Variants in HHIP observed in about 807,000 individuals in gnomAD.
HHIP encodes hedgehog-interacting protein.
A neutral mutation model predicts 74.0 loss-of-function variants in HHIP; 12 were observed. The ratio of observed to expected loss-of-function variants is 0.16; its 90% confidence interval spans 0.10 to 0.26. The LOEUF (loss-of-function observed/expected upper bound fraction) is 0.26. Among genes scored for constraint, HHIP ranks in the 10% least tolerant of loss-of-function variants. The probability of loss-of-function intolerance (pLI) is 1.00; values close to 1 mark genes in which losing one functional copy is unlikely to be tolerated. For synonymous variants in HHIP, 309 were observed against 311.6 expected (o/e 0.99, Z 0.09); for missense variants, 788 against 845.0 (o/e 0.93, Z 0.84).
intron 7 of HHIP, among the ~76,000 whole-genome samples, chr4:144,711,482 G>A (rs985378778): frequency 2.6e-5 from 4 of 152,004 alleles, no homozygotes; most frequent in South Asian, 2.1e-4. Flanking sequence ...AAGGCTCTTC[G>A]TCCCCCTGCA....
Position 144,663,815 on chromosome 4 carries a change from G to C in HHIP, c.831+3977G>C, listed in dbSNP as rs570291671. 1.3e-4 allele frequency among the ~76,000 whole-genome samples: 20 copies of C among 152,204 alleles called. No individual in the cohort carries two copies. The South Asian group carries it at 2.1e-3, about 16-fold the overall frequency. ...ATTGTTCCTGTTCTTAAAATATGTG[G>C]ATTGTGATTATATATATAAAACCTT... On this transcript the variant is annotated intron_variant, in intron 4 of 12. Coordinates refer to ENST00000296575, the MANE Select transcript of HHIP (RefSeq NM_022475.3).
At chr4:144,700,330 A>C (rs776655337) in intron 4 of HHIP, among the ~76,000 whole-genome samples, 2 of 152,226 alleles carry the variant, frequency 1.3e-5, no homozygotes, top group African/African-American at 2.4e-5. Flanking sequence ...CCATGAAGAC[A>C]CAAGTCAGAA....
intron 4 of HHIP, among the ~76,000 whole-genome samples, chr4:144,664,300 G>A (rs75572824): frequency 0.014 from 2,176 of 152,314 alleles, 62 homozygotes; most frequent in African/African-American, 0.049. Context: ...TCCCTGTGCC[G>A]GAAGTCACAG....
chr4:144,696,273 CTCT>C (rs1407650780), intron 4 of HHIP, among the ~76,000 whole-genome samples: 1 of 148,746 alleles, frequency 6.7e-6, no homozygotes, highest in Non-Finnish European at 1.5e-5. Context: ...AAATCTGCAC[CTCT>C]TTTTTTTTTC....
chr4:144,673,930 A>T (rs1560701105), intron 4 of HHIP, among the ~76,000 whole-genome samples: 1 of 152,276 alleles, frequency 6.6e-6, no homozygotes, highest in African/African-American at 2.4e-5. Context: ...ATCTGAATCT[A>T]TGGAAGTTAA....
chr4:144,703,492 G>T (rs913857811), intron 4 of HHIP, among the ~76,000 whole-genome samples: 1 of 152,196 alleles, frequency 6.6e-6, no homozygotes, highest in African/African-American at 2.4e-5. Context: ...AGGATGAGAA[G>T]GGGTTAGAAG....
At chr4:144,651,535 A>G (rs1480493851) in intron 1 of HHIP, among the ~76,000 whole-genome samples, 2 of 152,030 alleles carry the variant, frequency 1.3e-5, no homozygotes, top group East Asian at 3.8e-4. Flanking sequence ...TTAAAATGCT[A>G]ATTTTGGTTG....
At chr4:144,666,445 T>G (rs1728865614) in intron 4 of HHIP, among the ~76,000 whole-genome samples, 1 of 152,216 alleles carries the variant, frequency 6.6e-6, no homozygotes, top group South Asian at 2.1e-4. Context: ...GTCCTTACTT[T>G]CATAGTCATT....
At chr4:144,713,391 C>T (rs1055941713) in intron 8 of HHIP, among the ~76,000 whole-genome samples, 4 of 152,122 alleles carry the variant, frequency 2.6e-5, no homozygotes, top group African/African-American at 9.7e-5. Context: ...GTCTCATATA[C>T]ACCATAATCA....
chr4:144,693,157 C>T (rs565451749), intron 4 of HHIP, among the ~76,000 whole-genome samples: 3 of 152,206 alleles, frequency 2.0e-5, no homozygotes, highest in African/African-American at 7.2e-5. Context: ...ACTTCATTTG[C>T]CCTACAATTT....
rs150298076 is a variant in HHIP at position 144,700,852 on chromosome 4, T to C, written c.832-5679T>C. 1.9e-3 allele frequency among the ~76,000 whole-genome samples: 287 copies of C among 152,332 alleles called. 1 individual carries two copies. The highest frequency in any genetic ancestry group is 6.3e-3 in the African/African-American group (263 of 41,582). ...CCACAAAGTTTGTGGTAAATTTTCA[T>C]AGCAGCAATAGAAAATGAATACAAT... is the stretch of plus-strand genomic sequence containing the variant. On this transcript the variant is annotated intron_variant, in intron 4 of 12. Coordinates refer to ENST00000296575, the MANE Select transcript of HHIP (RefSeq NM_022475.3).
chr4:144,676,038 C>T (rs77420868), intron 4 of HHIP, among the ~76,000 whole-genome samples: 14 of 152,100 alleles, frequency 9.2e-5, no homozygotes, highest in Middle Eastern at 3.4e-3. Flanking sequence ...CAAGAGTGTA[C>T]GTAAACAAGA....
chr4:144,736,630 T>C (rs1731128615), intron 12 of HHIP, among the ~76,000 whole-genome samples: 1 of 152,222 alleles, frequency 6.6e-6, no homozygotes, highest in African/African-American at 2.4e-5. Flanking sequence ...AATTGTGATA[T>C]AAATGAAAAT....
chr4:144,690,833 CAAAA>C (rs1289442558), intron 4 of HHIP, among the ~76,000 whole-genome samples: 3 of 151,952 alleles, frequency 2.0e-5, no homozygotes, highest in Non-Finnish European at 4.4e-5. Flanking sequence ...CCAACAGAAA[CAAAA>C]AACTCTTACA....
chr4:144,660,095 G>T, intron 4 of HHIP: 1 of 530,970 alleles, frequency 1.9e-6, no homozygotes. Context: ...CACATTTAAA[G>T]GAATCTTTGG....
chr4:144,660,551 G>C (rs1728684388), intron 4 of HHIP, among the ~76,000 whole-genome samples: 1 of 151,776 alleles, frequency 6.6e-6, no homozygotes, highest in Admixed American at 6.6e-5. Flanking sequence ...AATATGATTT[G>C]GGAAGAACTG....
At chr4:144,684,424 A>AT (rs1267053352) in intron 4 of HHIP, among the ~76,000 whole-genome samples, 38 of 148,656 alleles carry the variant, frequency 2.6e-4, no homozygotes, top group Middle Eastern at 3.2e-3. Flanking sequence ...ACGCCCGGCT[A>AT]TTTTTTTTAT....
intron 11 of HHIP, among the ~76,000 whole-genome samples, chr4:144,729,170 A>G (rs1730880110): frequency 6.6e-6 from 1 of 152,208 alleles, no homozygotes; most frequent in South Asian, 2.1e-4. Flanking sequence ...CAGATGGAAG[A>G]CAGTAAAAAT....
At position 144,724,967 on chromosome 4, in the gene HHIP, CTT is replaced by C. The variant is rs200912167; in HGVS notation, c.1760+6012_1760+6013del. Among the ~76,000 whole-genome samples the C allele has an allele frequency of 3.9e-3, 585 of 151,920 alleles. 2 individuals are homozygous for C. Among genetic ancestry groups the C allele is most frequent in the African/African-American group, 0.014 (574 of 41,466 alleles). ...GAAGAATATATTCTTCAAAGTGAGA[CTT>C]ATATATTGAGTGAAAAATTCTTAAA... On this transcript the variant is annotated intron_variant, in intron 11 of 12. Coordinates refer to ENST00000296575, the MANE Select transcript of HHIP (RefSeq NM_022475.3).
Sources: allele counts gnomAD v4.1 joint callset (sites outside exome capture counted in the v4.1 genomes callset), GRCh38; gene constraint gnomAD v4.1.1; transcripts MANE v1.5; gene names NCBI Gene and HGNC (gene_info 2026-07-23, HGNC 2026-07-21).